DCC: variants seen among roughly 807,000 people sequenced by gnomAD.
DCC encodes the protein netrin receptor DCC.
DCC carries 58 observed loss-of-function variants against 172.5 expected under a neutral mutation model. The ratio of observed to expected loss-of-function variants is 0.34; its 90% confidence interval spans 0.27 to 0.42. The LOEUF (loss-of-function observed/expected upper bound fraction) is 0.42, where lower values mean the gene tolerates loss of function less well. Among genes scored for constraint, DCC ranks in the 10% least tolerant of loss-of-function variants. The pLI is 1.00. For missense variants in DCC, 1,740 were observed against 1,791.0 expected, an observed-to-expected ratio of 0.97 and a Z score of 0.51; for synonymous variants, 709 against 644.5, an observed-to-expected ratio of 1.10 and a Z score of -1.52.
intron 9 of DCC, among the ~76,000 whole-genome samples, chr18:53,198,999 G>A (rs186647026): frequency 3.9e-5 from 6 of 152,038 alleles, no homozygotes; most frequent in Non-Finnish European, 7.4e-5. Context: ...ATACTAAAAT[G>A]TAATGAAATG....
At chr18:52,757,474 C>G (rs1220227152) in intron 2 of DCC, among the ~76,000 whole-genome samples, 1 of 152,058 alleles carries the variant, frequency 6.6e-6, no homozygotes, top group Non-Finnish European at 1.5e-5. Context: ...ACCATGACCC[C>G]CTGTCCACCC....
intron 12 of DCC, among the ~76,000 whole-genome samples, chr18:53,245,377 T>C (rs984835939): frequency 6.6e-6 from 1 of 152,194 alleles, no homozygotes; most frequent in Non-Finnish European, 1.5e-5. Context: ...GGCTGTGTTC[T>C]GTATGCTCTG....
intron 1 of DCC, among the ~76,000 whole-genome samples, chr18:52,689,904 T>C (rs908174068): frequency 1.4e-4 from 21 of 152,144 alleles, no homozygotes; most frequent in Admixed American, 1.3e-3. Flanking sequence ...TTGTTTGCAT[T>C]TGCACTCCTG....
At chr18:52,431,702 T>G (rs1030927941) in intron 1 of DCC, among the ~76,000 whole-genome samples, 8 of 152,322 alleles carry the variant, frequency 5.3e-5, no homozygotes, top group African/African-American at 1.9e-4. Context: ...CCACTCAGCC[T>G]GGCCATGCAT....
intron 2 of DCC, among the ~76,000 whole-genome samples, chr18:52,881,416 A>G (rs1216343933): frequency 1.3e-5 from 2 of 152,082 alleles, no homozygotes; most frequent in Non-Finnish European, 1.5e-5. Flanking sequence ...TACTCAAGAA[A>G]TTTTTGCACA....
chr18:53,233,055 C>T (rs1046639199), intron 12 of DCC, among the ~76,000 whole-genome samples: 4 of 151,822 alleles, frequency 2.6e-5, no homozygotes, highest in African/African-American at 9.7e-5. Flanking sequence ...TTTATTTTTG[C>T]CTTTATACTA....
At chr18:52,929,274 G>A (rs1303791752) in intron 5 of DCC, among the ~76,000 whole-genome samples, 5 of 152,074 alleles carry the variant, frequency 3.3e-5, no homozygotes, top group African/African-American at 4.8e-5. Flanking sequence ...CCAGGCATCC[G>A]ACCAAAGAGT....
chr18:53,100,835 G>A (rs1030218121), intron 7 of DCC, among the ~76,000 whole-genome samples: 3 of 152,078 alleles, frequency 2.0e-5, no homozygotes, highest in African/African-American at 4.8e-5. Flanking sequence ...AAAATGGGCA[G>A]AGGAATGGAG....
chr18:52,906,555 C>G (rs1477422090), intron 3 of DCC, among the ~76,000 whole-genome samples: 4 of 145,152 alleles, frequency 2.8e-5, no homozygotes, highest in African/African-American at 1.0e-4. Context: ...AAACAGTTAT[C>G]TCTCCTTTAT....
chr18:53,250,735 G>A (rs1380931218), intron 12 of DCC, among the ~76,000 whole-genome samples: 1 of 151,818 alleles, frequency 6.6e-6, no homozygotes, highest in Non-Finnish European at 1.5e-5. Flanking sequence ...GTAATCAACT[G>A]TCTACCATAT....
chr18:52,545,385 G>A (rs1261870768), intron 1 of DCC, among the ~76,000 whole-genome samples: 1 of 152,138 alleles, frequency 6.6e-6, no homozygotes, highest in African/African-American at 2.4e-5. Flanking sequence ...AAGTGGACAG[G>A]TTCTCTTGGT....
At chr18:53,338,910 AG>A (rs2057621832) in intron 14 of DCC, among the ~76,000 whole-genome samples, 1 of 152,212 alleles carries the variant, frequency 6.6e-6, no homozygotes, top group Admixed American at 6.5e-5. Context: ...AGGCTTAGAG[AG>A]GATAAATGAT....
chr18:53,001,376 G>A (rs921442508), intron 5 of DCC, among the ~76,000 whole-genome samples: 1 of 152,010 alleles, frequency 6.6e-6, no homozygotes, highest in African/African-American at 2.4e-5. Flanking sequence ...GGAATAAGGT[G>A]CCATCACCTT....
chr18:53,472,860 A>C (rs961752362), intron 25 of DCC, among the ~76,000 whole-genome samples: 1 of 152,152 alleles, frequency 6.6e-6, no homozygotes, highest in African/African-American at 2.4e-5. Flanking sequence ...AAACAAACCA[A>C]ACAAATTTTT....
At chr18:53,329,298 C>CAAAA (rs1026452595) in intron 14 of DCC, among the ~76,000 whole-genome samples, 102 of 151,926 alleles carry the variant, frequency 6.7e-4, no homozygotes, top group African/African-American at 2.3e-3. Flanking sequence ...GCAAGAAAAA[C>CAAAA]TTTAAAAATT....
At chr18:53,055,387 G>A (rs2042390405) in intron 5 of DCC, among the ~76,000 whole-genome samples, 1 of 152,078 alleles carries the variant, frequency 6.6e-6, no homozygotes, top group South Asian at 2.1e-4. Context: ...TCCAGAAATT[G>A]TCAGAGCACC....
chr18:52,997,509 C>T (rs2041500621), intron 5 of DCC, among the ~76,000 whole-genome samples: 2 of 152,054 alleles, frequency 1.3e-5, no homozygotes, highest in Admixed American at 1.3e-4. Flanking sequence ...ATAGGACAGA[C>T]TTGACTTATT....
At chr18:52,376,928 C>T (rs900222060) in intron 1 of DCC, among the ~76,000 whole-genome samples, 6 of 152,242 alleles carry the variant, frequency 3.9e-5, no homozygotes, top group Non-Finnish European at 7.4e-5. Context: ...CCATCAAAAC[C>T]GTGCCTGGAG....
intron 5 of DCC, among the ~76,000 whole-genome samples, chr18:53,030,339 G>T (rs902350708): frequency 3.9e-5 from 6 of 152,174 alleles, no homozygotes; most frequent in East Asian, 1.9e-4. Flanking sequence ...TGCAGGGAAG[G>T]TTCTGCCACA....
Sources: gnomAD v4.1 joint callset for allele counts (sites outside exome capture counted in the v4.1 genomes callset) on GRCh38, gnomAD v4.1.1 for gene constraint, MANE v1.5 for transcripts, NCBI Gene and HGNC (gene_info 2026-07-23, HGNC 2026-07-21) for gene names.